NCOR2: variants seen among roughly 807,000 people sequenced by gnomAD.
NCOR2 encodes the protein nuclear receptor corepressor 2.
NCOR2 carries 81 observed loss-of-function variants against 262.9 expected under a neutral mutation model. The observed-to-expected ratio is 0.31, with a 90% CI of 0.26 to 0.37. NCOR2 has a LOEUF of 0.37. Among genes scored for constraint, NCOR2 ranks in the 10% least tolerant of loss-of-function variants. NCOR2 has a pLI of 1.00. For synonymous variants in NCOR2, 1,659 were observed against 1,559.3 expected (o/e 1.06, Z -1.51); for missense variants, 3,385 against 3,621.4 (o/e 0.93, Z 1.68).
At chr12:124,333,133 G>C in exon 42 of NCOR2, 1 of 1,604,464 alleles carries the variant, frequency 6.2e-7, no homozygotes, top group South Asian at 1.1e-5. Context: ...GAAGTACCTG[G>C]GCTCCGTCTG....
At chr12:124,399,974 G>A (rs1034752003) in intron 15 of NCOR2, among the ~76,000 whole-genome samples, 1 of 152,164 alleles carries the variant, frequency 6.6e-6, no homozygotes, top group Non-Finnish European at 1.5e-5. Context: ...GCCTACCAGG[G>A]TAGAGGCTGG....
chr12:124,413,858 G>C (rs976794677), intron 13 of NCOR2, among the ~76,000 whole-genome samples: 1 of 152,142 alleles, frequency 6.6e-6, no homozygotes, highest in African/African-American at 2.4e-5. Flanking sequence ...GCCAGCTGCT[G>C]TCCCCAGGAG....
chr12:124,444,062 G>A (rs113844483), intron 7 of NCOR2, among the ~76,000 whole-genome samples: 3,637 of 152,164 alleles, frequency 0.024, 65 homozygotes, highest in Middle Eastern at 0.051. Flanking sequence ...CAGCCACCTG[G>A]GGGACTCCTG....
intron 9 of NCOR2, 94 bp downstream of exon 11, chr12:124,430,521 T>C (rs146690869): frequency 0.028 from 40,329 of 1,464,186 alleles, 910 homozygotes; most frequent in South Asian, 0.086. Flanking sequence ...TGCTGTGCTG[T>C]TCTGTTCCTT....
chr12:124,368,762 T>C (rs562526139), intron 20 of NCOR2, among the ~76,000 whole-genome samples: 2 of 152,312 alleles, frequency 1.3e-5, no homozygotes, highest in East Asian at 1.9e-4. Context: ...CCATGCCCCA[T>C]CTGCCCATCA....
chr12:124,451,345 T>C (rs906105112), intron 6 of NCOR2, among the ~76,000 whole-genome samples: 1 of 152,222 alleles, frequency 6.6e-6, no homozygotes, highest in Non-Finnish European at 1.5e-5. Flanking sequence ...CCTCTAAATG[T>C]GGGGCTGCTT....
At chr12:124,421,519 G>A (rs1002217106) in intron 12 of NCOR2, among the ~76,000 whole-genome samples, 6 of 152,168 alleles carry the variant, frequency 3.9e-5, no homozygotes, top group Admixed American at 3.3e-4. Flanking sequence ...CACTCTGCTC[G>A]GTCTCTCTCC....
chr12:124,349,241 C>CT (rs2037219005), intron 28 of NCOR2, among the ~76,000 whole-genome samples: 1 of 152,190 alleles, frequency 6.6e-6, no homozygotes, highest in African/African-American at 2.4e-5. Flanking sequence ...AAAGGCTGGG[C>CT]TTTGCCCATC....
chr12:124,419,929 G>A, intron 13 of NCOR2, 28 bp downstream of exon 15: 1 of 1,598,004 alleles, frequency 6.3e-7, no homozygotes, highest in Non-Finnish European at 8.6e-7. Flanking sequence ...GAGCCTGCAA[G>A]GACAGTCACC....
At chr12:124,500,786 G>A (rs1466333595) in intron 1 of NCOR2, among the ~76,000 whole-genome samples, 1 of 152,044 alleles carries the variant, frequency 6.6e-6, no homozygotes, top group East Asian at 1.9e-4. Flanking sequence ...GAGCGGCCTG[G>A]TTCAGACCTG....
At chr12:124,417,410 C>T (rs943204543) in intron 13 of NCOR2, among the ~76,000 whole-genome samples, 1 of 152,210 alleles carries the variant, frequency 6.6e-6, no homozygotes, top group African/African-American at 2.4e-5. Flanking sequence ...GGTCTCCCCA[C>T]CTCCCTCTGT....
rs530953672 is a variant in NCOR2, at chr12:124,380,591, G to A, written c.2020-2207C>T. Among the ~76,000 whole-genome samples, 21 of 152,304 alleles carry A rather than the reference G, an allele frequency of 1.4e-4. No individual in the cohort carries two copies. In the East Asian group the frequency reaches 3.7e-3, roughly 27 times the overall value. ...GGTGGCATGTGGGTTCTGCGGCTGC[G>A]GCCGAGGGCTCCCCCTGCTTCCCGA... On this transcript the variant is annotated intron_variant, in intron 17 of 46. Coordinates refer to ENST00000405201, the Ensembl canonical transcript of NCOR2.
chr12:124,326,795 C>A (rs930121960), intron 45 of NCOR2, among the ~76,000 whole-genome samples: 42 of 152,298 alleles, frequency 2.8e-4, no homozygotes, highest in African/African-American at 9.6e-4. Flanking sequence ...CTGACCCCCA[C>A]AGAGGCTCCA....
chr12:124,535,641 G>A (rs2137192088), upstream of NCOR2: 1 of 152,346 alleles, frequency 6.6e-6, no homozygotes, highest in South Asian at 2.1e-4. Context: ...TTTGTTAGTT[G>A]ACATCGCATG....
chr12:124,515,786 G>T (rs562781114), intron 1 of NCOR2, among the ~76,000 whole-genome samples: 42 of 152,080 alleles, frequency 2.8e-4, no homozygotes, highest in African/African-American at 1.0e-3. Context: ...GCATGTATGT[G>T]TGTGCATGTG....
intron 1 of NCOR2, among the ~76,000 whole-genome samples, chr12:124,541,411 G>A (rs1235310125): frequency 2.1e-4 from 3 of 14,450 alleles, no homozygotes; most frequent in Admixed American, 7.9e-4. Context: ...GGGGAGTGGA[G>A]CTGGATGGGG....
At chr12:124,326,231 C>A in exon 46 of NCOR2, 1 of 1,539,740 alleles carries the variant, frequency 6.5e-7, no homozygotes. Flanking sequence ...GGTTGGTGAG[C>A]GGCGTCCGGC....
intron 13 of NCOR2, among the ~76,000 whole-genome samples, chr12:124,407,515 T>C (rs1323371070): frequency 6.6e-6 from 1 of 152,046 alleles, no homozygotes; most frequent in Non-Finnish European, 1.5e-5. Flanking sequence ...CCCGGGGACC[T>C]TTCTCAAAAG....
Position 124,333,899 on chromosome 12 carries a change from C to T in NCOR2, c.6605+525G>A, listed in dbSNP as rs1005857360. 1.4e-3 allele frequency among the ~76,000 whole-genome samples: 131 copies of T among 90,640 alleles called. 10 individuals are homozygous for T. Among genetic ancestry groups the T allele is most frequent in the East Asian group, 2.9e-3 (11 of 3,776 alleles). 59.5% of individuals were successfully genotyped at this position (90,640 alleles called of 152,430 possible). On this transcript the variant is annotated intron_variant, in intron 41 of 46. Coordinates refer to ENST00000405201, the Ensembl canonical transcript of NCOR2. ...GTGCGGGTGTGCATGTGTGTGTGCG[C>T]GCGCATGTGTGCGGGTGTGCATGTG...
Sources: allele counts gnomAD v4.1 joint callset (sites outside exome capture counted in the v4.1 genomes callset), GRCh38; gene constraint gnomAD v4.1.1; transcripts MANE v1.5; gene names NCBI Gene and HGNC (gene_info 2026-07-23, HGNC 2026-07-21).